RIT2: variants seen among roughly 807,000 people sequenced by gnomAD.
RIT2 encodes the protein GTP-binding protein Rit2.
Under a neutral mutation model 23.7 loss-of-function variants are expected in RIT2, and 24 were observed. The ratio of observed to expected loss-of-function variants is 1.01; its 90% CI spans 0.73 to 1.43. RIT2 has a LOEUF of 1.43. RIT2 is among the 40% of genes most tolerant of loss of function. RIT2 has a pLI of 0.00. For synonymous variants in RIT2, 107 were observed against 91.1 expected, an observed-to-expected ratio of 1.17 and a Z score of -0.99; for missense variants, 236 against 266.9, an observed-to-expected ratio of 0.88 and a Z score of 0.81.
In RIT2 at chr18:43,003,777, C is replaced by CACACAT. The variant is rs1186069289; in HGVS notation, c.161-29631_161-29630insATGTGT. ...CTCCTCAGTGACACACACACACACACACACACACACACACACACACACACA... is the reference window on the plus strand; with the variant it reads ...CTCCTCAGTGACACACACACACACACACACATACACACACACACACACACACACACA... On this transcript the variant is annotated intron_variant, in intron 2 of 4. Coordinates refer to ENST00000326695, the MANE Select transcript of RIT2 (RefSeq NM_002930.4). 2.3e-3 allele frequency among the ~76,000 whole-genome samples: 318 copies of CACACAT among 138,396 alleles called. 2 individuals carry two copies. The highest frequency in any genetic ancestry group is 0.01 in the African/African-American group (305 of 30,238). The allele number at this position is 138,396 out of a possible 152,430, so 90.8% of individuals were successfully genotyped here. A position where few individuals can be genotyped will look rare whatever the true frequency, so the allele number is the denominator to read the frequency against.
At chr18:42,932,255 T>C (rs1379575543) in intron 3 of RIT2, among the ~76,000 whole-genome samples, 1 of 152,132 alleles carries the variant, frequency 6.6e-6, no homozygotes, top group Non-Finnish European at 1.5e-5. Context: ...ATATACTTCA[T>C]CCTCCAGCTT....
At chr18:43,009,536 T>A (rs962557514) in intron 2 of RIT2, among the ~76,000 whole-genome samples, 3 of 151,674 alleles carry the variant, frequency 2.0e-5, no homozygotes, top group South Asian at 2.1e-4. Context: ...TTGGTGAAGT[T>A]CAGAGAAATT....
chr18:43,052,804 T>G (rs2144311565), intron 1 of RIT2, among the ~76,000 whole-genome samples: 1 of 152,160 alleles, frequency 6.6e-6, no homozygotes, highest in African/African-American at 2.4e-5. Flanking sequence ...ACTCTAATAA[T>G]ATACATAGGT....
At chr18:42,947,557 T>C (rs1909756405) in intron 3 of RIT2, among the ~76,000 whole-genome samples, 2 of 152,096 alleles carry the variant, frequency 1.3e-5, no homozygotes, top group African/African-American at 2.4e-5. Flanking sequence ...CAAGCCTTCT[T>C]AGAAATGTCT....
At chr18:43,056,515 T>C (rs1398218828) in intron 1 of RIT2, among the ~76,000 whole-genome samples, 1 of 152,162 alleles carries the variant, frequency 6.6e-6, no homozygotes. Context: ...GGAAATTCTA[T>C]CACCCATCAT....
intron 4 of RIT2, among the ~76,000 whole-genome samples, chr18:42,849,889 C>T (rs1191319719): frequency 6.6e-6 from 1 of 152,020 alleles, no homozygotes; most frequent in African/African-American, 2.4e-5. Context: ...GCCATTTCAC[C>T]CTCTTGGTCC....
Position 43,042,252 on chromosome 18 carries a change from A to G in RIT2, c.104-8385T>C, listed in dbSNP as rs1912145356. ...CTCGTCTGAAAAATGTGAAGAGGGA[A>G]GAGAGATAACTTAAAACCGCCTCCA... On this transcript the variant is annotated intron_variant, in intron 1 of 4. Coordinates refer to ENST00000326695, the MANE Select transcript of RIT2 (RefSeq NM_002930.4). Among the ~76,000 whole-genome samples, 2 of 152,198 alleles carry G rather than the reference A, an allele frequency of 1.3e-5. 1 individual carries two copies. The highest frequency in any genetic ancestry group is 4.1e-4 in the South Asian group (2 of 4,830).
intron 3 of RIT2, among the ~76,000 whole-genome samples, chr18:42,956,818 A>G (rs763371932): frequency 6.6e-6 from 1 of 152,152 alleles, no homozygotes; most frequent in Admixed American, 6.5e-5. Context: ...GAAAGTTTTG[A>G]TCTTGATATG....
At chr18:43,098,986 C>G (rs902192914) in intron 1 of RIT2, among the ~76,000 whole-genome samples, 1 of 151,992 alleles carries the variant, frequency 6.6e-6, no homozygotes, top group Non-Finnish European at 1.5e-5. Flanking sequence ...AAGAAAACCT[C>G]CATGCTGTTG....
chr18:42,945,932 T>C (rs1002137294), intron 3 of RIT2, among the ~76,000 whole-genome samples: 1 of 152,146 alleles, frequency 6.6e-6, no homozygotes, highest in African/African-American at 2.4e-5. Context: ...GAACATCAGA[T>C]AAATGGTGTT....
intron 4 of RIT2, among the ~76,000 whole-genome samples, chr18:42,869,279 G>T (rs1907553935): frequency 1.3e-5 from 2 of 152,138 alleles, no homozygotes; most frequent in Admixed American, 1.3e-4. Flanking sequence ...TCACCATAGG[G>T]TTCGTGCTCC....
At chr18:42,769,198 C>T (rs991680044) in intron 4 of RIT2, among the ~76,000 whole-genome samples, 5 of 152,110 alleles carry the variant, frequency 3.3e-5, no homozygotes, top group African/African-American at 7.2e-5. Context: ...CTGATAATAT[C>T]GTTAGGGGCT....
rs535851455 is a variant in RIT2 at position 42,938,040 on chromosome 18, T to G, written c.235-14277A>C. Among the ~76,000 whole-genome samples, 127 of 152,250 alleles carry G rather than the reference T, an allele frequency of 8.3e-4. 1 individual carries two copies. The highest frequency in any genetic ancestry group is 2.9e-3 in the African/African-American group (121 of 41,544). ...GGCACAGTAGATAAATAGAAGGATA[T>G]TCAAATATTGGTCACCAAGGTATTC... On this transcript the variant is annotated intron_variant, in intron 3 of 4. Transcript: ENST00000326695.
intron 1 of RIT2, among the ~76,000 whole-genome samples, chr18:43,035,048 G>C (rs1202783509): frequency 6.6e-6 from 1 of 152,160 alleles, no homozygotes; most frequent in Non-Finnish European, 1.5e-5. Flanking sequence ...GCTTTAACTA[G>C]TGTCCAGCTC....
chr18:43,059,645 C>G (rs1568070143), intron 1 of RIT2, among the ~76,000 whole-genome samples: 1 of 152,118 alleles, frequency 6.6e-6, no homozygotes, highest in African/African-American at 2.4e-5. Context: ...TCCTTTCGAA[C>G]TTCAGTAAAC....
chr18:42,827,418 G>A (rs770682076), intron 4 of RIT2, among the ~76,000 whole-genome samples: 11 of 152,024 alleles, frequency 7.2e-5, no homozygotes, highest in Non-Finnish European at 1.3e-4. Flanking sequence ...TCTTAAATCA[G>A]GCTCAAAAGG....
intron 1 of RIT2, among the ~76,000 whole-genome samples, chr18:43,099,318 T>A (rs777062408): frequency 8.6e-5 from 13 of 151,956 alleles, no homozygotes; most frequent in Non-Finnish European, 1.9e-4. Context: ...ATTTCCAAGG[T>A]TATAATGATC....
intron 4 of RIT2, among the ~76,000 whole-genome samples, chr18:42,837,473 T>TA (rs753184016): frequency 2.0e-3 from 308 of 150,822 alleles, no homozygotes; most frequent in Non-Finnish European, 3.8e-3. Flanking sequence ...GGCCTCTTTT[T>TA]TAAAAAAAAA....
At chr18:43,077,004 G>C (rs995579479) in intron 1 of RIT2, among the ~76,000 whole-genome samples, 10 of 148,624 alleles carry the variant, frequency 6.7e-5, no homozygotes, top group African/African-American at 2.5e-4. Flanking sequence ...TCGGGAGGCT[G>C]AGGCAGGAGA....
Sources: gnomAD v4.1 joint callset for allele counts (sites outside exome capture counted in the v4.1 genomes callset) on GRCh38, gnomAD v4.1.1 for gene constraint, MANE v1.5 for transcripts, NCBI Gene and HGNC (gene_info 2026-07-23, HGNC 2026-07-21) for gene names.